HIP1: variants seen among roughly 807,000 people sequenced by gnomAD.
HIP1 encodes the protein huntingtin-interacting protein 1.
In HIP1, 65 loss-of-function variants were observed where a neutral mutation model predicts 147.6. The ratio of observed to expected loss-of-function variants is 0.44; its 90% CI spans 0.36 to 0.54. The LOEUF is 0.54. HIP1 is among the 20% of genes least tolerant of loss of function. The pLI is 0.00. For synonymous variants in HIP1, 479 were observed against 504.0 expected (o/e 0.95, Z 0.67); for missense variants, 1,061 against 1,299.6 (o/e 0.82, Z 2.82).
chr7:75,632,010 T>C (rs1798239402), intron 1 of HIP1, among the ~76,000 whole-genome samples: 1 of 152,146 alleles, frequency 6.6e-6, no homozygotes, highest in South Asian at 2.1e-4. Flanking sequence ...CATCTGGACT[T>C]AGCCCCTGAC....
At chr7:75,576,639 T>C (rs1405471084) in intron 7 of HIP1, among the ~76,000 whole-genome samples, 2 of 152,074 alleles carry the variant, frequency 1.3e-5, no homozygotes, top group Non-Finnish European at 2.9e-5. Flanking sequence ...CAAGAATTGC[T>C]TGGAGGCTGC....
chr7:75,722,239 G>A (rs557408136), intron 1 of HIP1, among the ~76,000 whole-genome samples: 1 of 152,264 alleles, frequency 6.6e-6, no homozygotes, highest in East Asian at 1.9e-4. Context: ...GAGCCCAGGA[G>A]TTTGAGGCTG....
Position 75,533,620 on chromosome 7 carries a change from A to G in HIP1, c.*4552T>C, listed in dbSNP as rs973848480. 6.0e-5 allele frequency: 14 copies of G among 232,386 alleles called. No individual in the cohort carries two copies. The highest frequency in any genetic ancestry group is 9.4e-5 in the Non-Finnish European group (11 of 117,594). 14.4% of individuals were successfully genotyped at this position (232,386 alleles called of 1,614,324 possible). ...AACCGAACCCCCTCGGTTTGTCCCT[A>G]TGAGTGGTAATCAGTTTCATTTAGG... On this transcript the variant is annotated 3_prime_UTR_variant, in exon 31 of 31. Coordinates refer to ENST00000336926, the MANE Select transcript of HIP1 (RefSeq NM_005338.7).
intron 8 of HIP1, among the ~76,000 whole-genome samples, chr7:75,572,144 A>T (rs1795659731): frequency 6.6e-6 from 1 of 151,882 alleles, no homozygotes; most frequent in Non-Finnish European, 1.5e-5. Context: ...GAATTGCTTG[A>T]ACCTGGTAGG....
chr7:75,574,687 GGAGCCTTTGCTCTT>G (rs1222061134), intron 7 of HIP1, among the ~76,000 whole-genome samples: 4 of 152,018 alleles, frequency 2.6e-5, no homozygotes, highest in East Asian at 1.9e-4. Flanking sequence ...GGTTAGACCA[GGAGCCTTTGCTCTT>G]GAGAGTCAGA....
intron 1 of HIP1, among the ~76,000 whole-genome samples, chr7:75,729,285 G>A (rs76710809): frequency 0.11 from 12,889 of 118,532 alleles, 764 homozygotes; most frequent in Middle Eastern, 0.2. Context: ...CCTGGGCAAC[G>A]TAGTGAGATC....
Position 75,557,151 on chromosome 7 carries a change from G to T in HIP1, c.1582-340C>A, listed in dbSNP as rs587605523. On this transcript the variant is annotated intron_variant, in intron 16 of 30. Coordinates refer to ENST00000336926, the MANE Select transcript of HIP1 (RefSeq NM_005338.7). ...CCTCCAAGGTTCAAGAGATTCTTGT[G>T]CCTCAGCCTCCCAAGCAGCTGGGAC... Among the ~76,000 whole-genome samples the T allele has an allele frequency of 1.6e-3, 246 of 151,982 alleles. 1 individual carries two copies. The highest frequency in any genetic ancestry group is 3.0e-3 in the Non-Finnish European group (201 of 67,978).
Position 75,634,941 on chromosome 7 carries a change from G to GAAAAAAAAAAAAAAAAAAAAA in HIP1, c.121-35715_121-35695dup. ...GGTGACAGAGTGAGACACTATCTCTGAAAAAAAAAAAAAAAAAAAAAAAAA... is the reference window on the plus strand; with the variant it reads ...GGTGACAGAGTGAGACACTATCTCTGAAAAAAAAAAAAAAAAAAAAAAAAAAAAAAAAAAAAAAAAAAAAAA... On this transcript the variant is annotated intron_variant, in intron 1 of 30. Coordinates refer to ENST00000336926, the MANE Select transcript of HIP1 (RefSeq NM_005338.7). Among the ~76,000 whole-genome samples, 2 of 62,582 alleles carry GAAAAAAAAAAAAAAAAAAAAA rather than the reference G, an allele frequency of 3.2e-5. 1 individual carries two copies. The allele number at this position is 62,582 out of a possible 152,430, so 41.1% of individuals were successfully genotyped here.
At chr7:75,647,784 T>C (rs1798853689) in intron 1 of HIP1, among the ~76,000 whole-genome samples, 1 of 152,194 alleles carries the variant, frequency 6.6e-6, no homozygotes, top group South Asian at 2.1e-4. Context: ...CACCATGCAC[T>C]TGCACATGTG....
At chr7:75,567,110 T>TCAAAAACAAAAA (rs1403061141) in intron 9 of HIP1, among the ~76,000 whole-genome samples, 1 of 149,582 alleles carries the variant, frequency 6.7e-6, no homozygotes, top group Non-Finnish European at 1.5e-5. Flanking sequence ...AGACTCTGTC[T>TCAAAAACAAAAA]CAAAAACAAA....
chr7:75,566,508 C>G (rs1014643131), intron 9 of HIP1, among the ~76,000 whole-genome samples: 2 of 151,488 alleles, frequency 1.3e-5, no homozygotes, highest in Admixed American at 1.3e-4. Flanking sequence ...GTGGTAAATT[C>G]CAGATTGTCA....
intron 1 of HIP1, among the ~76,000 whole-genome samples, chr7:75,667,833 A>G (rs782217309): frequency 6.6e-6 from 1 of 152,262 alleles, no homozygotes; most frequent in Non-Finnish European, 1.5e-5. Flanking sequence ...TTATTAATGC[A>G]TTGGCATATG....
intron 1 of HIP1, among the ~76,000 whole-genome samples, chr7:75,712,045 A>T (rs1227154608): frequency 6.6e-6 from 1 of 152,134 alleles, no homozygotes; most frequent in Non-Finnish European, 1.5e-5. Context: ...AGAAATCTAA[A>T]TCCCAAGCCC....
rs1025657049 is a variant in HIP1 at position 75,546,820 on chromosome 7, T to C, written c.2559+119A>G. On this transcript the variant is annotated intron_variant, in intron 25 of 30. Transcript: ENST00000336926. ...GGGCCTCTGCTGATATCTACAGGAG[T>C]GGCTGCTCTGTACTCAGGTGGACAC... is the stretch of plus-strand genomic sequence containing the variant. 5 of 705,358 alleles carry C rather than the reference T, an allele frequency of 7.1e-6. No homozygotes were observed. The African/African-American group carries it at 8.8e-5, about 12-fold the overall frequency. 43.7% of individuals were successfully genotyped at this position (705,358 alleles called of 1,614,324 possible).
At chr7:75,681,514 T>G (rs1258845297) in intron 1 of HIP1, among the ~76,000 whole-genome samples, 2 of 133,240 alleles carry the variant, frequency 1.5e-5, no homozygotes, top group African/African-American at 2.7e-5. Flanking sequence ...TTTTTTTTTT[T>G]TTTTTTTTTT....
intron 7 of HIP1, 129 bp from the exon 8 acceptor site, chr7:75,574,030 T>G: frequency 1.5e-6 from 1 of 677,402 alleles, no homozygotes; most frequent in Non-Finnish European, 2.5e-6. Flanking sequence ...CTCATCTAAT[T>G]CATTTAACCT....
chr7:75,666,682 G>A lies in HIP1; in HGVS notation c.121-67435C>T, dbSNP rs536445211. ...AGGGCAAGGGAGATGCGAGAAGGAT[G>A]GAAGGCAAGGACGCTGCTTGTCCAA... On this transcript the variant is annotated intron_variant, in intron 1 of 30. Coordinates refer to ENST00000336926, the MANE Select transcript of HIP1 (RefSeq NM_005338.7). Among the ~76,000 whole-genome samples the A allele has an allele frequency of 5.9e-5, 9 of 152,270 alleles. No homozygotes were observed. In the South Asian group the frequency reaches 8.3e-4, roughly 14 times the overall value.
chr7:75,550,940 A>G (rs1307251410), intron 22 of HIP1, among the ~76,000 whole-genome samples: 1 of 152,166 alleles, frequency 6.6e-6, no homozygotes, highest in Non-Finnish European at 1.5e-5. Flanking sequence ...GGGCAAATTA[A>G]TAACAACCCA....
At chr7:75,629,254 A>G (rs1256341191) in intron 1 of HIP1, among the ~76,000 whole-genome samples, 1 of 152,120 alleles carries the variant, frequency 6.6e-6, no homozygotes, top group Non-Finnish European at 1.5e-5. Flanking sequence ...TGGCCAGAAT[A>G]GCATATCCAC....
Sources: allele counts gnomAD v4.1 joint callset (sites outside exome capture counted in the v4.1 genomes callset), GRCh38; gene constraint gnomAD v4.1.1; transcripts MANE v1.5; gene names NCBI Gene and HGNC (gene_info 2026-07-23, HGNC 2026-07-21).